Variants in THSD7B observed in about 807,000 individuals in gnomAD.
THSD7B encodes the protein thrombospondin type-1 domain-containing protein 7B.
Under a neutral mutation model 213.6 loss-of-function variants are expected in THSD7B, and 138 were observed. The observed-to-expected ratio is 0.65, with a 90% CI of 0.56 to 0.74. THSD7B has a LOEUF of 0.74. Among genes scored for constraint, THSD7B ranks in the 30% least tolerant of loss-of-function variants. THSD7B has a pLI of 0.00. For missense variants in THSD7B, 1,931 were observed against 1,991.5 expected, an observed-to-expected ratio of 0.97 and a Z score of 0.58; for synonymous variants, 742 against 687.0, an observed-to-expected ratio of 1.08 and a Z score of -1.25.
At chr2:136,903,184 TA>T (rs1684091035) in intron 2 of THSD7B, among the ~76,000 whole-genome samples, 1 of 152,120 alleles carries the variant, frequency 6.6e-6, no homozygotes, top group South Asian at 2.1e-4. Flanking sequence ...AATATGAAAT[TA>T]GATAATATAT....
intron 2 of THSD7B, among the ~76,000 whole-genome samples, chr2:136,952,144 G>A (rs1461342682): frequency 6.6e-6 from 1 of 152,038 alleles, no homozygotes; most frequent in Non-Finnish European, 1.5e-5. Flanking sequence ...TGGGATTACA[G>A]GCATGAGCCA....
chr2:137,339,824 T>A (rs950858966), intron 12 of THSD7B, among the ~76,000 whole-genome samples: 1 of 151,840 alleles, frequency 6.6e-6, no homozygotes, highest in Non-Finnish European at 1.5e-5. Flanking sequence ...GCTACCTGAT[T>A]TAACTATGTA....
At chr2:137,399,082 T>C (rs1273741714) in intron 12 of THSD7B, among the ~76,000 whole-genome samples, 1 of 151,954 alleles carries the variant, frequency 6.6e-6, no homozygotes, top group Non-Finnish European at 1.5e-5. Context: ...CCTAGTGAGA[T>C]GAACCCGGTA....
chr2:137,135,616 C>T (rs947374826), intron 5 of THSD7B, among the ~76,000 whole-genome samples: 1 of 152,126 alleles, frequency 6.6e-6, no homozygotes, highest in Admixed American at 6.5e-5. Context: ...TCTAGCTCAG[C>T]TCTCTATGTC....
intron 2 of THSD7B, 98 bp downstream of exon 2, chr2:136,882,415 T>C (rs776537947): frequency 1.8e-4 from 219 of 1,240,460 alleles, no homozygotes; most frequent in Non-Finnish European, 2.6e-5. Flanking sequence ...GTGGGAAATA[T>C]CCAGAGAGGA....
At chr2:137,511,592 AG>A (rs1165676283) in intron 15 of THSD7B, among the ~76,000 whole-genome samples, 2 of 152,304 alleles carry the variant, frequency 1.3e-5, no homozygotes, top group South Asian at 4.2e-4. Context: ...GTAGAGTTTC[AG>A]GGTCAGCCAA....
rs1237887049 is a variant in THSD7B at position 137,546,387 on chromosome 2, T to A, written c.3139-16834T>A. On this transcript the variant is annotated intron_variant, in intron 15 of 27. Coordinates refer to ENST00000409968, the MANE Select transcript of THSD7B (RefSeq NM_001316349.2). ...TTATATATATATATAATATATATATTATATATATTATATATATTATATATA... is the reference window on the plus strand; with the variant it reads ...TTATATATATATATAATATATATATAATATATATTATATATATTATATATA... Among the ~76,000 whole-genome samples the A allele has an allele frequency of 1.4e-3, 47 of 33,132 alleles. 3 individuals are homozygous for A. Among genetic ancestry groups the A allele is most frequent in the East Asian group, 7.6e-3 (9 of 1,184 alleles). The allele number at this position is 33,132 out of a possible 152,430, so 21.7% of individuals were successfully genotyped here. A position where few individuals can be genotyped will look rare whatever the true frequency, so the allele number is the denominator to read the frequency against.
At chr2:136,935,341 G>T (rs1213006625) in intron 2 of THSD7B, among the ~76,000 whole-genome samples, 1 of 152,122 alleles carries the variant, frequency 6.6e-6, no homozygotes, top group Non-Finnish European at 1.5e-5. Context: ...TAATCTGCAT[G>T]ATGGGGTCAT....
At chr2:137,077,406 C>T (rs968114655) in intron 3 of THSD7B, among the ~76,000 whole-genome samples, 1 of 152,180 alleles carries the variant, frequency 6.6e-6, no homozygotes, top group Non-Finnish European at 1.5e-5. Flanking sequence ...GCCACACTGA[C>T]TTCCACAATG....
intron 2 of THSD7B, among the ~76,000 whole-genome samples, chr2:136,978,137 C>T (rs945310440): frequency 2.2e-4 from 34 of 152,210 alleles, no homozygotes; most frequent in African/African-American, 7.2e-4. Context: ...AATTTAATTG[C>T]GCTGTGGTCT....
At chr2:137,066,120 A>G (rs1446345842) in intron 3 of THSD7B, among the ~76,000 whole-genome samples, 1 of 151,102 alleles carries the variant, frequency 6.6e-6, no homozygotes, top group Non-Finnish European at 1.5e-5. Context: ...ATATGAGAAA[A>G]TCTTTATTTC....
At chr2:136,833,544 G>T (rs1442788375) in intron 1 of THSD7B, among the ~76,000 whole-genome samples, 3 of 151,088 alleles carry the variant, frequency 2.0e-5, no homozygotes, top group African/African-American at 4.9e-5. Flanking sequence ...ACTATGAAGG[G>T]TCAAGTGTGG....
chr2:136,848,071 G>A (rs1683039189), intron 1 of THSD7B, among the ~76,000 whole-genome samples: 2 of 152,156 alleles, frequency 1.3e-5, no homozygotes, highest in Non-Finnish European at 2.9e-5. Flanking sequence ...CAAATACAGA[G>A]ACCATTATTT....
chr2:137,200,622 C>T (rs373411753), intron 7 of THSD7B, among the ~76,000 whole-genome samples: 1 of 151,982 alleles, frequency 6.6e-6, no homozygotes, highest in Non-Finnish European at 1.5e-5. Flanking sequence ...CTGCCCCATC[C>T]CAGTCACACA....
At chr2:137,397,875 CTT>C (rs1321168388) in intron 12 of THSD7B, among the ~76,000 whole-genome samples, 2 of 84,070 alleles carry the variant, frequency 2.4e-5, no homozygotes, top group African/African-American at 8.5e-5. Context: ...TCTTTTTATT[CTT>C]TTTTCTCTAA....
At position 137,499,131 on chromosome 2, in the gene THSD7B, G is replaced by T. The variant is rs1007265462; in HGVS notation, c.3138+48108G>T. Among the ~76,000 whole-genome samples the T allele has an allele frequency of 2.0e-5, 3 of 152,168 alleles. No homozygotes were observed. In the East Asian group the frequency reaches 5.8e-4, roughly 29 times the overall value. ...CTCTTGCAGGAGAAGGGTAAGTGTG[G>T]TAGTCGCCTGTAAGTAGATGAGGCA... On this transcript the variant is annotated intron_variant, in intron 15 of 27. Coordinates refer to ENST00000409968, the MANE Select transcript of THSD7B (RefSeq NM_001316349.2).
chr2:137,345,859 C>T (rs138066920), intron 12 of THSD7B, among the ~76,000 whole-genome samples: 100 of 151,518 alleles, frequency 6.6e-4, no homozygotes, highest in African/African-American at 2.4e-3. Context: ...TTAAAAAGCT[C>T]AGCACACATA....
intron 22 of THSD7B, 100 bp downstream of exon 22, chr2:137,655,760 T>C (rs1683224900): frequency 7.5e-7 from 1 of 1,337,848 alleles, no homozygotes; most frequent in African/African-American, 1.5e-5. Flanking sequence ...AAATTAAAGT[T>C]TTTAAATAAC....
chr2:137,618,523 T>C lies in THSD7B; in HGVS notation c.3681+16T>C. ...ATGTGAGCAGGTACTGTGTTTATAT[T>C]CATATCTCACATCCAAGGCTTTGTT... On this transcript the variant is annotated intron_variant, in intron 19 of 27. Transcript: ENST00000409968. 6.2e-7 allele frequency: 1 copy of C among 1,609,002 alleles called. No individual in the cohort carries two copies. The highest frequency in any genetic ancestry group is 8.5e-7 in the Non-Finnish European group (1 of 1,176,350).
Sources: gnomAD v4.1 joint callset for allele counts (sites outside exome capture counted in the v4.1 genomes callset) on GRCh38, gnomAD v4.1.1 for gene constraint, MANE v1.5 for transcripts, NCBI Gene and HGNC (gene_info 2026-07-23, HGNC 2026-07-21) for gene names.